Variants in NRCAM observed in about 807,000 individuals in gnomAD.
The protein encoded by NRCAM is neuronal cell adhesion molecule.
Under a neutral mutation model 156.5 loss-of-function variants are expected in NRCAM, and 83 were observed. That is an observed-to-expected ratio of 0.53 (90% CI 0.44 to 0.64). The LOEUF (loss-of-function observed/expected upper bound fraction) is 0.64, where lower values mean the gene tolerates loss of function less well. Ranked by LOEUF, NRCAM falls within the 30% of genes least tolerant of loss-of-function variation. The pLI, the probability that NRCAM is intolerant of heterozygous loss-of-function variation, is 0.00. For synonymous variants in NRCAM, 538 were observed against 563.9 expected (o/e 0.95, Z 0.65); for missense variants, 1,417 against 1,597.3 (o/e 0.89, Z 1.92).
chr7:108,347,812 T>C (rs1023995535), intron 2 of NRCAM, among the ~76,000 whole-genome samples: 5 of 152,172 alleles, frequency 3.3e-5, no homozygotes, highest in Non-Finnish European at 7.3e-5. Context: ...AGCGCTCTCC[T>C]TGGTCCTGAG....
chr7:108,276,123 T>C (rs2097591613), intron 3 of NRCAM, among the ~76,000 whole-genome samples: 2 of 152,236 alleles, frequency 1.3e-5, no homozygotes, highest in Admixed American at 6.5e-5. Context: ...TCTTTTCTTT[T>C]ACATTTGCTG....
At chr7:108,218,181 G>A (rs1023028984) in intron 11 of NRCAM, among the ~76,000 whole-genome samples, 1 of 151,728 alleles carries the variant, frequency 6.6e-6, no homozygotes, top group African/African-American at 2.4e-5. Flanking sequence ...GCTGGGGGGG[G>A]GGGGGAGTTC....
At position 108,225,845 on chromosome 7, in the gene NRCAM, G is replaced by A. The variant is rs2093355023; in HGVS notation, c.722-144C>T. 1.9e-5 allele frequency: 13 copies of A among 691,086 alleles called. No individual in the cohort carries two copies. In the South Asian group the frequency reaches 2.1e-4, roughly 11 times the overall value. 42.8% of individuals were successfully genotyped at this position (691,086 alleles called of 1,614,324 possible). On this transcript the variant is annotated intron_variant, in intron 9 of 32. Transcript: ENST00000379028. ...AAAAACAGTGCTTTACATTGTACAT[G>A]ACTAACTCATTAATTTACTCAGCCA...
intron 3 of NRCAM, among the ~76,000 whole-genome samples, chr7:108,293,467 T>A (rs927576635): frequency 6.6e-6 from 1 of 152,172 alleles, no homozygotes; most frequent in Admixed American, 6.6e-5. Flanking sequence ...AAAACATTTT[T>A]AAATCTGCTA....
chr7:108,356,095 T>C (rs1455196347), intron 2 of NRCAM, among the ~76,000 whole-genome samples: 1 of 152,066 alleles, frequency 6.6e-6, no homozygotes, highest in Non-Finnish European at 1.5e-5. Context: ...ACTACAGGCA[T>C]GTACCACCAC....
chr7:108,282,943 G>C (rs1158556205), intron 3 of NRCAM, among the ~76,000 whole-genome samples: 1 of 152,200 alleles, frequency 6.6e-6, no homozygotes, highest in Non-Finnish European at 1.5e-5. Context: ...CAGAAGTTCT[G>C]GGGGTGGGAC....
chr7:108,437,448 AAC>A (rs1488723434), intron 1 of NRCAM, among the ~76,000 whole-genome samples: 2 of 152,254 alleles, frequency 1.3e-5, no homozygotes, highest in Non-Finnish European at 2.9e-5. Context: ...GATAGTTTGT[AAC>A]ACAAAGGATA....
chr7:108,180,496 T>C, intron 24 of NRCAM, 69 bp from the exon 25 acceptor site: 2 of 1,269,952 alleles, frequency 1.6e-6, no homozygotes, highest in African/African-American at 1.5e-5. Context: ...CTCACAAAAT[T>C]GAAACTGTTG....
At chr7:108,407,005 C>A (rs569751062) in intron 1 of NRCAM, among the ~76,000 whole-genome samples, 2 of 152,126 alleles carry the variant, frequency 1.3e-5, no homozygotes, top group East Asian at 3.9e-4. Context: ...TCTTTCTTAT[C>A]AAAAAATTGT....
At chr7:108,422,096 C>T (rs1202084557) in intron 1 of NRCAM, among the ~76,000 whole-genome samples, 1 of 152,206 alleles carries the variant, frequency 6.6e-6, no homozygotes, top group Non-Finnish European at 1.5e-5. Context: ...CCAAGAGCCA[C>T]TTCACGAGTT....
intron 20 of NRCAM, among the ~76,000 whole-genome samples, chr7:108,185,733 A>G (rs1337183580): frequency 9.4e-6 from 1 of 106,724 alleles, no homozygotes; most frequent in Non-Finnish European, 2.1e-5. Context: ...AGAGAGAGAG[A>G]GGAAAAAAAA....
At chr7:108,399,171 T>TTG (rs142946755) in intron 2 of NRCAM, among the ~76,000 whole-genome samples, 55,364 of 150,080 alleles carry the variant, frequency 0.37, 10,005 homozygotes, top group Middle Eastern at 0.46. Flanking sequence ...GTGTGTGTGT[T>TTG]TGTGTGTGTG....
At position 108,181,954 on chromosome 7, in the gene NRCAM, G is replaced by A. The variant is rs910157776; in HGVS notation, c.2531-17C>T. ...CCATTGGGACTAGGAAAAGGACAGGGAAGTGGTAGAAGTATCAATGTTATT... is the reference window on the plus strand; with the variant it reads ...CCATTGGGACTAGGAAAAGGACAGGAAAGTGGTAGAAGTATCAATGTTATT... On this transcript the variant is annotated splice_polypyrimidine_tract_variant and intron_variant, in intron 23 of 32. Transcript: ENST00000379028. 6.6e-7 allele frequency: 1 copy of A among 1,523,540 alleles called. No homozygotes were observed. Among genetic ancestry groups the A allele is most frequent in the African/African-American group, 1.4e-5 (1 of 72,940 alleles). The allele number at this position is 1,523,540 out of a possible 1,614,324, so 94.4% of individuals were successfully genotyped here.
chr7:108,348,726 C>T (rs929094842), intron 2 of NRCAM, among the ~76,000 whole-genome samples: 4 of 142,340 alleles, frequency 2.8e-5, no homozygotes, highest in Admixed American at 7.3e-5. Context: ...CTAGCCTGGC[C>T]AATATGGTGA....
chr7:108,167,015 C>T lies in NRCAM; in HGVS notation c.3372G>A (p.Lys1124=), dbSNP rs1462644229. The stretch of plus-strand genomic sequence containing the variant: ...TGTATGCTGTTCCTGGCATTAGACC[C>T]TTTAACCCAAAGAAGCTCCGAGAAC... ...VNGSRSFFGL[K]GLMPGTAYKV... is the part of the protein sequence containing the mutation. Residue 1124 remains lysine, a synonymous_variant, in exon 30 of 33, where the codon AAG becomes AAA. Coordinates refer to ENST00000379028, the MANE Select transcript of NRCAM (RefSeq NM_001037132.4). The T allele has an allele frequency of 6.2e-7, 1 of 1,613,794 alleles. No homozygotes were observed. Among genetic ancestry groups the T allele is most frequent in the East Asian group, 2.2e-5 (1 of 44,894 alleles).
chr7:108,355,869 CAT>C (rs1235485116), intron 2 of NRCAM, among the ~76,000 whole-genome samples: 2 of 152,132 alleles, frequency 1.3e-5, no homozygotes, highest in Non-Finnish European at 2.9e-5. Flanking sequence ...CACCTCGCTT[CAT>C]CACATCACGT....
intron 2 of NRCAM, among the ~76,000 whole-genome samples, chr7:108,357,299 G>A (rs947210622): frequency 6.6e-6 from 1 of 151,222 alleles, no homozygotes; most frequent in African/African-American, 2.4e-5. Context: ...CAACATGAGA[G>A]GATTAAAAAG....
chr7:108,372,190 T>G lies in NRCAM; in HGVS notation c.-174+27246A>C, dbSNP rs547153397. 2.6e-5 allele frequency among the ~76,000 whole-genome samples: 4 copies of G among 152,070 alleles called. No homozygotes were observed. In the South Asian group the frequency reaches 8.3e-4, roughly 31 times the overall value. On this transcript the variant is annotated intron_variant, in intron 2 of 32. Coordinates refer to ENST00000379028, the MANE Select transcript of NRCAM (RefSeq NM_001037132.4). ...AATGAATAAACCTGGTTTCTGATCT[T>G]ATGCACACAAAACCCCATTCAAAAC...
intron 3 of NRCAM, among the ~76,000 whole-genome samples, chr7:108,263,399 A>G (rs2096958193): frequency 6.6e-6 from 1 of 152,258 alleles, no homozygotes; most frequent in Non-Finnish European, 1.5e-5. Flanking sequence ...TCCTCTGTAC[A>G]TGAATGACAC....
Sources: gnomAD v4.1 joint callset for allele counts (sites outside exome capture counted in the v4.1 genomes callset) on GRCh38, gnomAD v4.1.1 for gene constraint, MANE v1.5 for transcripts, NCBI Gene and HGNC (gene_info 2026-07-23, HGNC 2026-07-21) for gene names.